The following PKHD1L1 variants were observed in gnomAD, a reference collection of about 807,000 sequenced individuals.
PKHD1L1 encodes the protein fibrocystin-L.
In PKHD1L1, 434 loss-of-function variants were observed where a neutral mutation model predicts 462.9. The observed-to-expected ratio is 0.94, with a 90% CI of 0.87 to 1.02. The LOEUF (loss-of-function observed/expected upper bound fraction) is 1.02, where lower values mean the gene tolerates loss of function less well. Among genes scored for constraint, PKHD1L1 ranks in the 50% least tolerant of loss-of-function variants. The pLI is 0.00. For synonymous variants in PKHD1L1, 1,781 were observed against 1,750.0 expected (o/e 1.02, Z -0.44); for missense variants, 5,202 against 5,096.1 (o/e 1.02, Z -0.63).
At chr8:109,362,781 C>T in intron 1 of PKHD1L1, 128 bp downstream of exon 1, 1 of 997,888 alleles carries the variant, frequency 1.0e-6, no homozygotes, top group Non-Finnish European at 1.5e-6. Flanking sequence ...GGTTGCATGA[C>T]GATCCTGGGG....
At chr8:109,424,946 C>A in intron 23 of PKHD1L1, 139 bp from the exon 24 acceptor site, 1 of 667,786 alleles carries the variant, frequency 1.5e-6, no homozygotes, top group Non-Finnish European at 2.4e-6. Flanking sequence ...ATTTATGTGA[C>A]ACTCCTTAAT....
At chr8:109,395,114 C>T (rs1390875570) in intron 10 of PKHD1L1, among the ~76,000 whole-genome samples, 1 of 152,302 alleles carries the variant, frequency 6.6e-6, no homozygotes, top group East Asian at 1.9e-4. Context: ...GATCAAAATT[C>T]TAAGTACTAT....
Position 109,454,834 on chromosome 8 carries a change from G to C in PKHD1L1, c.6856G>C (p.Gly2286Arg), listed in dbSNP as rs1304721086. The change falls in exon 45 of 78, where the codon GGA becomes CGA. Residue 2286 changes from glycine (G) to arginine (R), a missense_variant. Transcript: ENST00000378402. ...YGAKTLAVRE[G>R]ILDLHGVPVP... The stretch of plus-strand genomic sequence containing the variant: ...TGCCAAAACACTGGCTGTGCGGGAG[G>C]GAATCCTGGATCTGCACGGTACTGT... 2 of 1,613,520 alleles carry C rather than the reference G, an allele frequency of 1.2e-6. No homozygotes were observed. The highest frequency in any genetic ancestry group is 2.2e-5 in the South Asian group (2 of 91,040).
chr8:109,495,145 G>A (rs936095455), intron 63 of PKHD1L1, among the ~76,000 whole-genome samples: 3 of 151,440 alleles, frequency 2.0e-5, no homozygotes, highest in African/African-American at 4.8e-5. Context: ...TTTTATTCTT[G>A]TGCAAAATAC....
rs1422877964 is a variant in PKHD1L1, at chr8:109,408,158, G to A, written c.1923G>A (p.Trp641Ter). The A allele has an allele frequency of 6.2e-7, 1 of 1,612,876 alleles. No homozygotes were observed. The highest frequency in any genetic ancestry group is 1.3e-5 in the African/African-American group (1 of 74,792). ...KPNLETFTLN[W>*]DGIASKPLTL... Reference sequence around the variant, plus strand: ...ACTTGGAGACATTCACACTGAATTGGGATGGGATCGCTTCTAAGCCACTCA... The same window carrying A: ...ACTTGGAGACATTCACACTGAATTGAGATGGGATCGCTTCTAAGCCACTCA... The change falls in exon 18 of 78, where the codon TGG (tryptophan) becomes TGA (stop). Residue 641 changes from tryptophan to a stop codon, truncating the protein, a stop_gained. Coordinates refer to ENST00000378402, the MANE Select transcript of PKHD1L1 (RefSeq NM_177531.6). LOFTEE classifies it high-confidence loss of function.
At chr8:109,376,158 G>T (rs1443688890) in intron 2 of PKHD1L1, among the ~76,000 whole-genome samples, 1 of 152,270 alleles carries the variant, frequency 6.6e-6, no homozygotes, top group African/African-American at 2.4e-5. Context: ...CCCAGTTCGA[G>T]CTTCCTGGCC....
chr8:109,365,379 A>G (rs1446648469), intron 2 of PKHD1L1, among the ~76,000 whole-genome samples: 1 of 152,156 alleles, frequency 6.6e-6, no homozygotes, highest in Non-Finnish European at 1.5e-5. Flanking sequence ...AAAGATATTT[A>G]ATTATTTTGT....
At position 109,466,643 on chromosome 8, in the gene PKHD1L1, G is replaced by A. The variant is rs1392683415; in HGVS notation, c.8479G>A (p.Ala2827Thr). 3 of 1,610,190 alleles carry A rather than the reference G, an allele frequency of 1.9e-6. No homozygotes were observed. Among genetic ancestry groups the A allele is most frequent in the South Asian group, 1.1e-5 (1 of 90,146 alleles). The change falls in exon 50 of 78, where the codon GCT becomes ACT. Residue 2827 changes from alanine to threonine, a missense_variant. Physicochemically the swap from Ala to Thr is moderately conservative, Grantham distance 58. Around this residue, in one of 3 missense-constraint regions of PKHD1L1, gnomAD observed 4,497 missense variants for 4,336.8 expected, o/e 1.04. Coordinates refer to ENST00000378402, the MANE Select transcript of PKHD1L1 (RefSeq NM_177531.6). ...LLDPSHCTQE[A>T]EWSIGFPGSV... The stretch of plus-strand genomic sequence containing the variant: ...AGACCCTTCTCATTGTACTCAGGAA[G>A]CTGAGTGGAGCATTGGGTTCCCTGG...
chr8:109,379,981 C>G (rs1225790343), intron 2 of PKHD1L1, among the ~76,000 whole-genome samples: 4 of 152,142 alleles, frequency 2.6e-5, no homozygotes, highest in Non-Finnish European at 1.5e-5. Flanking sequence ...ATTGCAGCAA[C>G]CACCACCTAA....
chr8:109,455,186 A>G (rs1451713587), intron 45 of PKHD1L1, among the ~76,000 whole-genome samples: 1 of 152,084 alleles, frequency 6.6e-6, no homozygotes, highest in Non-Finnish European at 1.5e-5. Flanking sequence ...AAAAATACAA[A>G]ATTTAGCCAG....
At chr8:109,525,404 G>A (rs760326827) in intron 76 of PKHD1L1, among the ~76,000 whole-genome samples, 5 of 152,182 alleles carry the variant, frequency 3.3e-5, no homozygotes, top group Non-Finnish European at 7.3e-5. Context: ...CTATTGCTAT[G>A]AAACAAACCA....
chr8:109,390,797 A>C (rs56228898), intron 9 of PKHD1L1, among the ~76,000 whole-genome samples: 2 of 152,298 alleles, frequency 1.3e-5, no homozygotes, highest in African/African-American at 2.4e-5. Context: ...TTAAATAACT[A>C]AAGTAATTAA....
chr8:109,401,939 A>G (rs946948090), intron 14 of PKHD1L1, among the ~76,000 whole-genome samples: 8 of 152,146 alleles, frequency 5.3e-5, no homozygotes, highest in African/African-American at 1.9e-4. Flanking sequence ...CTAGGGAAAA[A>G]TCACTAAGCC....
chr8:109,463,390 C>T (rs991102427), intron 48 of PKHD1L1, among the ~76,000 whole-genome samples: 1 of 151,888 alleles, frequency 6.6e-6, no homozygotes, highest in African/African-American at 2.4e-5. Flanking sequence ...AAACTTCCCT[C>T]CTCCTGAGAT....
rs533623778 is a variant in PKHD1L1 at position 109,510,902 on chromosome 8, C to T, written c.11521C>T (p.Arg3841Ter). ...YFTGTSPQNL[R>*]LMLLNVDHNK... The stretch of plus-strand genomic sequence containing the variant: ...CACTGGCACCAGTCCTCAGAATCTT[C>T]GACTGATGTTGCTTAATGTTGATCA... Residue 3841 changes from arginine to a stop codon, truncating the protein, a stop_gained, in exon 71 of 78, where the codon CGA becomes TGA. Transcript: ENST00000378402. LOFTEE classifies it high-confidence loss of function. 58 of 1,613,002 alleles carry T rather than the reference C, an allele frequency of 3.6e-5. No individual in the cohort carries two copies. Among genetic ancestry groups the T allele is most frequent in the South Asian group, 9.9e-5 (9 of 91,052 alleles).
rs1389948040 is a variant in PKHD1L1, at chr8:109,490,102, T to C, written c.9984+47T>C. The C allele has an allele frequency of 3.4e-6, 4 of 1,174,912 alleles. No homozygotes were observed. In the East Asian group the frequency reaches 7.8e-5, roughly 23 times the overall value. The allele number at this position is 1,174,912 out of a possible 1,614,324, so 72.8% of individuals were successfully genotyped here. A position where few individuals can be genotyped will look rare whatever the true frequency, so the allele number is the denominator to read the frequency against. On this transcript the variant is annotated intron_variant, in intron 60 of 77. Coordinates refer to ENST00000378402, the MANE Select transcript of PKHD1L1 (RefSeq NM_177531.6). Reference sequence around the variant, plus strand: ...TTGTGTATATTAAAAATATGCAAAATATTTTTATTTTCATTTGACTTCTAA... The same window carrying C: ...TTGTGTATATTAAAAATATGCAAAACATTTTTATTTTCATTTGACTTCTAA...
intron 56 of PKHD1L1, among the ~76,000 whole-genome samples, chr8:109,482,408 A>G (rs1818316757): frequency 6.6e-6 from 1 of 151,766 alleles, no homozygotes; most frequent in Non-Finnish European, 1.5e-5. Context: ...AAGAATACAC[A>G]TCTTTCTAAT....
rs79186929 is a variant in PKHD1L1 at position 109,532,704 on chromosome 8, T to C, written c.*2614T>C. ...TAAGAATAGCTTCTTGTATTTCTCA[T>C]AGTAAGTGAAATGTTTATATCTTGT... is the stretch of plus-strand genomic sequence containing the variant. On this transcript the variant is annotated 3_prime_UTR_variant, in exon 78 of 78. Coordinates refer to ENST00000378402, the MANE Select transcript of PKHD1L1 (RefSeq NM_177531.6). Among the ~76,000 whole-genome samples the C allele has an allele frequency of 0.028, 4,206 of 152,294 alleles. 188 individuals are homozygous for C. Among genetic ancestry groups the C allele is most frequent in the African/African-American group, 0.097 (4,014 of 41,540 alleles).
At chr8:109,473,956 T>A (rs968870303) in intron 50 of PKHD1L1, among the ~76,000 whole-genome samples, 1 of 152,146 alleles carries the variant, frequency 6.6e-6, no homozygotes, top group Non-Finnish European at 1.5e-5. Context: ...GTTCCACTAA[T>A]GTCCCATTGG....
Sources: allele counts gnomAD v4.1 joint callset (sites outside exome capture counted in the v4.1 genomes callset), GRCh38; gene constraint gnomAD v4.1.1; regional missense constraint gnomAD v4.1.1; transcripts MANE v1.5; gene names NCBI Gene and HGNC (gene_info 2026-07-23, HGNC 2026-07-21).